SLC8A1: variants seen among roughly 807,000 people sequenced by gnomAD.
The protein encoded by SLC8A1 is solute carrier family 8 member A1.
A neutral mutation model predicts 68.3 loss-of-function variants in SLC8A1; 18 were observed. The ratio of observed to expected loss-of-function variants is 0.26; its 90% CI spans 0.18 to 0.39. The LOEUF (loss-of-function observed/expected upper bound fraction) is 0.39, where lower values mean the gene tolerates loss of function less well. SLC8A1 is among the 10% of genes least tolerant of loss of function. The pLI, the probability that SLC8A1 is intolerant of heterozygous loss-of-function variation, is 1.00. For synonymous variants in SLC8A1, 475 were observed against 415.5 expected (o/e 1.14, Z -1.74); for missense variants, 985 against 1,156.7 (o/e 0.85, Z 2.15).
chr2:40,385,494 A>G (rs1683270307), intron 2 of SLC8A1, among the ~76,000 whole-genome samples: 2 of 126,230 alleles, frequency 1.6e-5, no homozygotes, highest in Non-Finnish European at 3.2e-5. Context: ...GTATAAATAT[A>G]GGTGAGGAGA....
chr2:40,110,167 C>T (rs73927110), exon 8 of SLC8A1: 1 of 152,088 alleles, frequency 6.6e-6, no homozygotes, highest in African/African-American at 2.4e-5. Context: ...TTGGGAGTTC[C>T]ACCTCTCAGT....
At chr2:40,244,301 G>A (rs2061566334) in intron 2 of SLC8A1, among the ~76,000 whole-genome samples, 1 of 152,134 alleles carries the variant, frequency 6.6e-6, no homozygotes, top group Non-Finnish European at 1.5e-5. Flanking sequence ...CATTTACTGA[G>A]CATCTACTAC....
At chr2:40,493,371 A>T (rs933015983) in intron 1 of SLC8A1, among the ~76,000 whole-genome samples, 1 of 150,226 alleles carries the variant, frequency 6.7e-6, no homozygotes, top group African/African-American at 2.5e-5. Flanking sequence ...GGGGAGGGAT[A>T]GCTTTAGGAG....
chr2:40,308,633 A>T (rs1394735060), intron 2 of SLC8A1, among the ~76,000 whole-genome samples: 1 of 133,678 alleles, frequency 7.5e-6, no homozygotes. Context: ...AGCAGAAGGA[A>T]TTTCTCTGTT....
intron 2 of SLC8A1, among the ~76,000 whole-genome samples, chr2:40,254,254 G>A (rs1475068446): frequency 6.6e-6 from 1 of 152,092 alleles, no homozygotes; most frequent in Admixed American, 6.6e-5. Flanking sequence ...TGAGATTGGG[G>A]TCTTAAGTAA....
chr2:40,497,057 T>C (rs1324703405), intron 1 of SLC8A1, among the ~76,000 whole-genome samples: 1 of 150,670 alleles, frequency 6.6e-6, no homozygotes, highest in Non-Finnish European at 1.5e-5. Context: ...ACATGTACCC[T>C]AAAACTTAAA....
At chr2:40,107,298 A>AAAAAAG (rs1318519158) in exon 8 of SLC8A1, 1 of 148,344 alleles carries the variant, frequency 6.7e-6, no homozygotes, top group African/African-American at 2.5e-5. Flanking sequence ...AAAAAAAAAA[A>AAAAAAG]AGAAAATGCC....
chr2:40,307,100 T>C (rs1170883517), intron 2 of SLC8A1, among the ~76,000 whole-genome samples: 1 of 151,520 alleles, frequency 6.6e-6, no homozygotes, highest in Non-Finnish European at 1.5e-5. Context: ...AGCAAACAAG[T>C]GTCAGTAAAC....
chr2:40,111,631 C>G (rs2034556549), exon 8 of SLC8A1: 1 of 152,166 alleles, frequency 6.6e-6, no homozygotes, highest in African/African-American at 2.4e-5. Context: ...CCCACAAATG[C>G]TTATTCCATT....
At chr2:40,462,464 G>A (rs1460591094) in intron 1 of SLC8A1, among the ~76,000 whole-genome samples, 1 of 151,432 alleles carries the variant, frequency 6.6e-6, no homozygotes, top group Non-Finnish European at 1.5e-5. Flanking sequence ...TGACAAGTTG[G>A]GAATCTTTTC....
At chr2:40,322,573 G>C (rs1256326456) in intron 2 of SLC8A1, among the ~76,000 whole-genome samples, 1 of 151,306 alleles carries the variant, frequency 6.6e-6, no homozygotes, top group African/African-American at 2.4e-5. Flanking sequence ...CAAGTCAGGA[G>C]TCCGAGGCAG....
chr2:40,458,390 G>A (rs185864141), intron 1 of SLC8A1, among the ~76,000 whole-genome samples: 7 of 152,004 alleles, frequency 4.6e-5, no homozygotes, highest in Non-Finnish European at 1.0e-4. Context: ...TTATTCCTCA[G>A]CATCTAGAGC....
intron 2 of SLC8A1, among the ~76,000 whole-genome samples, chr2:40,282,013 C>T (rs1348713031): frequency 6.6e-6 from 1 of 152,116 alleles, no homozygotes; most frequent in African/African-American, 2.4e-5. Flanking sequence ...TAGCTACTGG[C>T]TTCTATCCCT....
intron 7 of SLC8A1, among the ~76,000 whole-genome samples, chr2:40,127,156 G>T (rs1025383959): frequency 4.6e-5 from 7 of 152,156 alleles, no homozygotes; most frequent in African/African-American, 1.7e-4. Flanking sequence ...TCAAAATACA[G>T]TGTTTCATTG....
At chr2:40,134,115 G>A (rs2040024194) in intron 7 of SLC8A1, among the ~76,000 whole-genome samples, 2 of 134,678 alleles carry the variant, frequency 1.5e-5, no homozygotes, top group African/African-American at 2.8e-5. Flanking sequence ...TTTTTGAGAT[G>A]GAATCTTGCT....
At chr2:40,422,242 A>G (rs1188006570) in intron 2 of SLC8A1, among the ~76,000 whole-genome samples, 1 of 152,024 alleles carries the variant, frequency 6.6e-6, no homozygotes, top group Non-Finnish European at 1.5e-5. Context: ...ATACTGTAAT[A>G]AGGGACTAAT....
chr2:40,151,478 G>C (rs2043415640), intron 6 of SLC8A1, among the ~76,000 whole-genome samples: 2 of 152,150 alleles, frequency 1.3e-5, no homozygotes, highest in Non-Finnish European at 2.9e-5. Context: ...GCGATGAACA[G>C]GGCAGATTTG....
At chr2:40,237,164 T>C (rs1353989781) in intron 2 of SLC8A1, among the ~76,000 whole-genome samples, 1 of 152,170 alleles carries the variant, frequency 6.6e-6, no homozygotes, top group Admixed American at 6.5e-5. Context: ...CTTGCTAGAT[T>C]GGGGAAGTTC....
At chr2:40,476,139 G>C (rs1042631336) in intron 1 of SLC8A1, among the ~76,000 whole-genome samples, 1 of 152,132 alleles carries the variant, frequency 6.6e-6, no homozygotes, top group Non-Finnish European at 1.5e-5. Context: ...AAGTGTAAAA[G>C]TCTATTACAG....
Sources: allele counts gnomAD v4.1 joint callset (sites outside exome capture counted in the v4.1 genomes callset), GRCh38; gene constraint gnomAD v4.1.1; transcripts MANE v1.5; gene names NCBI Gene and HGNC (gene_info 2026-07-23, HGNC 2026-07-21).